The following CDHR3 variants were observed in gnomAD, a reference collection of about 807,000 sequenced individuals.
CDHR3 encodes cadherin-related family member 3.
Under a neutral mutation model 86.6 loss-of-function variants are expected in CDHR3, and 79 were observed. That is an observed-to-expected ratio of 0.91 (90% confidence interval 0.76 to 1.10). CDHR3 has a LOEUF of 1.10. Ranked by LOEUF, CDHR3 falls within the 50% of genes least tolerant of loss-of-function variation. The pLI is 0.00. For synonymous variants in CDHR3, 421 were observed against 402.4 expected (o/e 1.05, Z -0.55); for missense variants, 1,081 against 1,077.6 (o/e 1.00, Z -0.04).
Position 106,024,459 on chromosome 7 carries a change from G to C in CDHR3, c.2155G>C (p.Gly719Arg). 3 of 1,613,932 alleles carry C rather than the reference G, an allele frequency of 1.9e-6. No homozygotes were observed. The highest frequency in any genetic ancestry group is 2.5e-6 in the Non-Finnish European group (3 of 1,179,868). ...GTACGTGCCGTTTGTCATCACTTTG[G>C]GCTCCATATTGCTTCTGGGTCTCCT... is the stretch of plus-strand genomic sequence containing the variant. ...AWYVPFVITL[G>R]SILLLGLLVY... Residue 719 changes from glycine to arginine, a missense_variant, in exon 15 of 19, where the codon GGC (glycine) becomes CGC (arginine). Coordinates refer to ENST00000317716, the MANE Select transcript of CDHR3 (RefSeq NM_152750.5).
intron 8 of CDHR3, among the ~76,000 whole-genome samples, chr7:106,009,381 G>A (rs1284645794): frequency 6.6e-6 from 1 of 152,210 alleles, no homozygotes; most frequent in African/African-American, 2.4e-5. Context: ...CTGACCTGCA[G>A]CACCCGCCAT....
At chr7:106,011,542 C>A (rs1834810789) in intron 8 of CDHR3, among the ~76,000 whole-genome samples, 2 of 152,204 alleles carry the variant, frequency 1.3e-5, no homozygotes, top group South Asian at 2.1e-4. Flanking sequence ...CCACAGAGAC[C>A]AGCTAAGCCA....
intron 1 of CDHR3, among the ~76,000 whole-genome samples, chr7:105,973,359 C>T (rs890315068): frequency 6.6e-6 from 1 of 152,184 alleles, no homozygotes; most frequent in African/African-American, 2.4e-5. Flanking sequence ...AACAAACTAT[C>T]ACACAACAGA....
intron 14 of CDHR3, among the ~76,000 whole-genome samples, chr7:106,023,015 A>G (rs1836808372): frequency 6.6e-6 from 1 of 152,162 alleles, no homozygotes; most frequent in African/African-American, 2.4e-5. Flanking sequence ...GCCAAAAATG[A>G]TCCCTGCTCT....
rs759677955 is a variant in CDHR3 at position 105,996,246 on chromosome 7, G to C, written c.609-4G>C. Reference sequence around the variant, plus strand: ...TTCTCTCACGTGGAATGTTTCCCTGGCAGTTTCCATCTCATCGTGGAGGTG... The same window carrying C: ...TTCTCTCACGTGGAATGTTTCCCTGCCAGTTTCCATCTCATCGTGGAGGTG... On this transcript the variant is annotated splice_polypyrimidine_tract_variant and splice_region_variant and intron_variant, in intron 5 of 18. Transcript: ENST00000317716. 3.9e-6 allele frequency: 6 copies of C among 1,525,156 alleles called. No homozygotes were observed. The South Asian group carries it at 6.8e-5, about 17-fold the overall frequency. The allele number at this position is 1,525,156 out of a possible 1,614,324, so 94.5% of individuals were successfully genotyped here.
intron 7 of CDHR3, among the ~76,000 whole-genome samples, 172 bp from the exon 8 acceptor site, chr7:106,004,326 A>G (rs1402135479): frequency 1.3e-5 from 2 of 152,396 alleles, no homozygotes; most frequent in African/African-American, 4.8e-5. Flanking sequence ...AGATACCCCA[A>G]TGAATGTCTA....
At chr7:105,977,306 C>CT (rs1413877655) in intron 2 of CDHR3, among the ~76,000 whole-genome samples, 8 of 152,350 alleles carry the variant, frequency 5.3e-5, no homozygotes, top group African/African-American at 1.7e-4. Flanking sequence ...CCATGTATGT[C>CT]TATCGCTGTT....
intron 16 of CDHR3, among the ~76,000 whole-genome samples, chr7:106,027,882 TG>T (rs1283633938): frequency 6.6e-6 from 1 of 152,116 alleles, no homozygotes; most frequent in African/African-American, 2.4e-5. Flanking sequence ...CCCAGCACTC[TG>T]GGAGGCCAAG....
chr7:106,025,466 A>T (rs1355546364), intron 15 of CDHR3, among the ~76,000 whole-genome samples: 1 of 152,248 alleles, frequency 6.6e-6, no homozygotes, highest in Admixed American at 6.5e-5. Context: ...TGCTTAGTAC[A>T]CTACCCAGCC....
intron 2 of CDHR3, among the ~76,000 whole-genome samples, chr7:105,977,467 G>A (rs1189700936): frequency 6.6e-6 from 1 of 152,218 alleles, no homozygotes; most frequent in Non-Finnish European, 1.5e-5. Flanking sequence ...CTAGGCTCAA[G>A]TGTTTGGTGT....
intron 9 of CDHR3, among the ~76,000 whole-genome samples, chr7:106,013,542 G>A (rs1835129054): frequency 6.6e-6 from 1 of 152,216 alleles, no homozygotes. Flanking sequence ...GGATGGGCAT[G>A]AAAAGTGGGT....
Position 106,015,123 on chromosome 7 carries a change from C to G in CDHR3, c.1237C>G (p.Leu413Val), listed in dbSNP as rs1224050979. ...GSGKIVLIGD[L>V]DYENPSNLAA... ...TGTTTTAATCTAGCTGATTGGTGAT[C>G]TAGACTACGAAAATCCAAGTAACCT... Residue 413 changes from leucine (L) to valine (V), a missense_variant, in exon 10 of 19, where the codon CTA becomes GTA. Transcript: ENST00000317716. 9 of 1,606,368 alleles carry G rather than the reference C, an allele frequency of 5.6e-6. No homozygotes were observed. Among genetic ancestry groups the G allele is most frequent in the Non-Finnish European group, 7.7e-6 (9 of 1,176,204 alleles).
chr7:105,979,816 T>A (rs1829368892), intron 2 of CDHR3, among the ~76,000 whole-genome samples: 1 of 152,218 alleles, frequency 6.6e-6, no homozygotes, highest in Non-Finnish European at 1.5e-5. Context: ...ATTAAGGACA[T>A]ACATGGAATT....
At chr7:106,024,314 G>T (rs11505885) in intron 14 of CDHR3, 67 bp from the exon 15 acceptor site, 9 of 1,371,306 alleles carry the variant, frequency 6.6e-6, no homozygotes, top group Non-Finnish European at 9.2e-6. Context: ...CACTCAACAC[G>T]AGAGAGTGCT....
At chr7:105,965,859 T>C (rs1304612074) in intron 1 of CDHR3, among the ~76,000 whole-genome samples, 1 of 152,214 alleles carries the variant, frequency 6.6e-6, no homozygotes, top group Non-Finnish European at 1.5e-5. Flanking sequence ...ATCCAATACA[T>C]ATTTGCTGTT....
intron 4 of CDHR3, among the ~76,000 whole-genome samples, chr7:105,987,682 G>T (rs1237037466): frequency 1.3e-5 from 2 of 152,126 alleles, no homozygotes; most frequent in African/African-American, 4.8e-5. Context: ...CTTGGATATG[G>T]CCTGGGCATT....
intron 2 of CDHR3, among the ~76,000 whole-genome samples, chr7:105,980,373 CA>C (rs1784617651): frequency 6.6e-6 from 1 of 152,082 alleles, no homozygotes; most frequent in Non-Finnish European, 1.5e-5. Flanking sequence ...CCTTGAACAT[CA>C]GCATATAGAT....
intron 1 of CDHR3, among the ~76,000 whole-genome samples, chr7:105,967,170 G>A (rs973384458): frequency 2.0e-5 from 3 of 151,900 alleles, no homozygotes; most frequent in Non-Finnish European, 2.9e-5. Context: ...TGTTCTCATT[G>A]TTCACTTCCC....
At chr7:105,980,624 T>TTTTTTTTTTTTTTTTTTTTTTTTTA (rs1563239075) in intron 2 of CDHR3, among the ~76,000 whole-genome samples, 1 of 12,136 alleles carries the variant, frequency 8.2e-5, no homozygotes, top group Non-Finnish European at 2.0e-4. Flanking sequence ...TTTTTTTTAA[T>TTTTTTTTTTTTTTTTTTTTTTTTTA]TTTTTTTTTT....
Sources: gnomAD v4.1 joint callset for allele counts (sites outside exome capture counted in the v4.1 genomes callset) on GRCh38, gnomAD v4.1.1 for gene constraint, MANE v1.5 for transcripts, NCBI Gene and HGNC (gene_info 2026-07-23, HGNC 2026-07-21) for gene names.